TRAPPC9: variants seen among roughly 807,000 people sequenced by gnomAD.
TRAPPC9 encodes the protein IKK2 binding protein.
A neutral mutation model predicts 124.0 loss-of-function variants in TRAPPC9; 83 were observed. The observed-to-expected ratio is 0.67, with a 90% CI of 0.56 to 0.80. The LOEUF is 0.80. Ranked by LOEUF, TRAPPC9 falls within the 30% of genes least tolerant of loss-of-function variation. The pLI is 0.00. For synonymous variants in TRAPPC9, 638 were observed against 617.5 expected, an observed-to-expected ratio of 1.03 and a Z score of -0.49; for missense variants, 1,302 against 1,508.3, an observed-to-expected ratio of 0.86 and a Z score of 2.27.
chr8:139,732,859 A>G (rs865935808), intron 21 of TRAPPC9, among the ~76,000 whole-genome samples: 1 of 152,106 alleles, frequency 6.6e-6, no homozygotes. Context: ...CCAGGCAGGG[A>G]GCTGGTCCTG....
At chr8:139,892,111 T>G (rs1405523665) in intron 20 of TRAPPC9, among the ~76,000 whole-genome samples, 5 of 152,174 alleles carry the variant, frequency 3.3e-5, no homozygotes, top group African/African-American at 1.2e-4. Flanking sequence ...CACAAGCACA[T>G]GCGCCGCAGC....
intron 17 of TRAPPC9, among the ~76,000 whole-genome samples, chr8:140,072,744 T>C (rs1843265937): frequency 1.3e-5 from 2 of 151,708 alleles, no homozygotes; most frequent in African/African-American, 2.4e-5. Flanking sequence ...ATAGTGTCAC[T>C]ATATGTACAT....
intron 21 of TRAPPC9, among the ~76,000 whole-genome samples, chr8:139,846,078 C>T (rs893459598): frequency 2.0e-5 from 3 of 152,246 alleles, no homozygotes; most frequent in Admixed American, 1.3e-4. Flanking sequence ...CCAAGGGGGC[C>T]GGCCTGGCCA....
At position 139,768,841 on chromosome 8, in the gene TRAPPC9, T is replaced by A. The variant is rs77741661; in HGVS notation, c.3056-36639A>T. Among the ~76,000 whole-genome samples the A allele has an allele frequency of 5.6e-4, 86 of 152,238 alleles. 3 individuals are homozygous for A. The East Asian group carries it at 0.016, about 29-fold the overall frequency. ...TACAATACCTCGGGGGGGAATGTAT[T>A]TAGAGACAGGGCCTTCAAAGACATA... On this transcript the variant is annotated intron_variant, in intron 21 of 22. Transcript: ENST00000438773.
chr8:139,959,092 G>A (rs997627681), intron 19 of TRAPPC9, among the ~76,000 whole-genome samples: 4 of 152,062 alleles, frequency 2.6e-5, no homozygotes, highest in Non-Finnish European at 5.9e-5. Flanking sequence ...GAGTCACACG[G>A]GGGAGCCCTG....
chr8:140,203,842 A>C (rs1218442797), intron 17 of TRAPPC9, among the ~76,000 whole-genome samples: 1 of 151,650 alleles, frequency 6.6e-6, no homozygotes, highest in African/African-American at 2.4e-5. Flanking sequence ...GAGTGGTGGA[A>C]GGATCACACA....
At chr8:139,832,627 T>C (rs946863293) in intron 21 of TRAPPC9, among the ~76,000 whole-genome samples, 1 of 152,146 alleles carries the variant, frequency 6.6e-6, no homozygotes, top group Non-Finnish European at 1.5e-5. Context: ...GAAAGGTAAA[T>C]AAAGGTCCGC....
chr8:140,158,814 A>C (rs192995556), intron 17 of TRAPPC9, among the ~76,000 whole-genome samples: 1 of 152,204 alleles, frequency 6.6e-6, no homozygotes, highest in Non-Finnish European at 1.5e-5. Context: ...TATATGCCAA[A>C]CACTACCCTG....
intron 19 of TRAPPC9, among the ~76,000 whole-genome samples, chr8:139,950,612 C>A (rs1394586844): frequency 6.6e-6 from 1 of 152,192 alleles, no homozygotes; most frequent in East Asian, 1.9e-4. Flanking sequence ...CTGCACCAGC[C>A]AAGGGCCTTC....
chr8:140,032,284 G>A (rs1335004352), intron 17 of TRAPPC9, among the ~76,000 whole-genome samples: 1 of 152,170 alleles, frequency 6.6e-6, no homozygotes, highest in Non-Finnish European at 1.5e-5. Flanking sequence ...CTGTCACCAC[G>A]TCCAGACCAC....
intron 1 of TRAPPC9, chr8:140,456,873 T>C (rs2071685400): frequency 1.0e-5 from 10 of 983,794 alleles, no homozygotes; most frequent in Non-Finnish European, 1.2e-5. Flanking sequence ...CAACGCATCC[T>C]AACACGGGAA....
chr8:140,145,996 GT>G, intron 17 of TRAPPC9, among the ~76,000 whole-genome samples: 1 of 152,054 alleles, frequency 6.6e-6, no homozygotes, highest in East Asian at 1.9e-4. Flanking sequence ...CATCTCTCCT[GT>G]TTTCATACTT....
chr8:139,807,342 GC>G (rs966236129), intron 21 of TRAPPC9, among the ~76,000 whole-genome samples: 27 of 152,192 alleles, frequency 1.8e-4, no homozygotes, highest in African/African-American at 6.5e-4. Context: ...GTTCAGAAGA[GC>G]CTCTGAACTC....
chr8:140,237,240 A>C (rs2131407065), intron 16 of TRAPPC9, among the ~76,000 whole-genome samples: 1 of 151,700 alleles, frequency 6.6e-6, no homozygotes, highest in African/African-American at 2.4e-5. Flanking sequence ...GACAAAGAAC[A>C]TCCAAAAAGC....
intron 17 of TRAPPC9, among the ~76,000 whole-genome samples, chr8:140,038,991 C>G (rs1169445163): frequency 6.6e-6 from 1 of 152,122 alleles, no homozygotes; most frequent in Non-Finnish European, 1.5e-5. Flanking sequence ...AGGAGCGGAG[C>G]GAGAAGGGGC....
chr8:139,773,662 G>A (rs1389024932), intron 21 of TRAPPC9, among the ~76,000 whole-genome samples: 1 of 152,092 alleles, frequency 6.6e-6, no homozygotes, highest in East Asian at 1.9e-4. Context: ...TCTGCCACCT[G>A]CCTCAAAGTC....
chr8:140,022,575 G>A (rs182772245), intron 18 of TRAPPC9, among the ~76,000 whole-genome samples: 26 of 152,244 alleles, frequency 1.7e-4, no homozygotes, highest in African/African-American at 5.1e-4. Context: ...AACCTGTGCC[G>A]CTTCCAAGAA....
chr8:139,750,144 C>T (rs1206549629), intron 21 of TRAPPC9, among the ~76,000 whole-genome samples: 1 of 152,156 alleles, frequency 6.6e-6, no homozygotes, highest in African/African-American at 2.4e-5. Context: ...GACCTCACCT[C>T]AGTCCTGAAG....
chr8:140,287,085 C>T (rs553607334), intron 13 of TRAPPC9, among the ~76,000 whole-genome samples: 1 of 152,164 alleles, frequency 6.6e-6, no homozygotes, highest in South Asian at 2.1e-4. Flanking sequence ...CTCGCAGCAG[C>T]CAGAGGAGAG....
Sources: gnomAD v4.1 joint callset for allele counts (sites outside exome capture counted in the v4.1 genomes callset) on GRCh38, gnomAD v4.1.1 for gene constraint, MANE v1.5 for transcripts, NCBI Gene and HGNC (gene_info 2026-07-23, HGNC 2026-07-21) for gene names.